Variants in RYR3 observed in about 807,000 individuals in gnomAD.
RYR3 encodes ryanodine receptor 3.
RYR3 carries 207 observed loss-of-function variants against 584.3 expected under a neutral mutation model. That is an observed-to-expected ratio of 0.35 (90% CI 0.32 to 0.40). The LOEUF (loss-of-function observed/expected upper bound fraction) is 0.40. Ranked by LOEUF, RYR3 falls within the 10% of genes least tolerant of loss-of-function variation. The probability of loss-of-function intolerance (pLI) is 1.00; values close to 1 mark genes in which losing one functional copy is unlikely to be tolerated. For missense variants in RYR3, 5,616 were observed against 6,089.2 expected, an observed-to-expected ratio of 0.92 and a Z score of 2.59; for synonymous variants, 2,416 against 2,248.5, an observed-to-expected ratio of 1.07 and a Z score of -2.11.
intron 1 of RYR3, among the ~76,000 whole-genome samples, chr15:33,469,527 AGG>A (rs1316058509): frequency 1.3e-5 from 2 of 151,804 alleles, no homozygotes; most frequent in African/African-American, 2.4e-5. Context: ...ATACAGGAAA[AGG>A]GGAGGACTCA....
intron 87 of RYR3, among the ~76,000 whole-genome samples, chr15:33,836,044 C>T (rs2078022082): frequency 1.3e-5 from 2 of 151,912 alleles, no homozygotes; most frequent in South Asian, 4.2e-4. Flanking sequence ...CTGTGATACA[C>T]ACCATAGGTG....
rs114677864 is a variant in RYR3 at position 33,756,507 on chromosome 15, G to A, written c.8583+134G>A. On this transcript the variant is annotated intron_variant, in intron 59 of 103. Transcript: ENST00000634891. Reference sequence around the variant, plus strand: ...TGAGGTACATGTATATTTCTCTGTCGTGTAACAGTCCCAAGGGAGGCTGGC... The same window carrying A: ...TGAGGTACATGTATATTTCTCTGTCATGTAACAGTCCCAAGGGAGGCTGGC... 3.1e-3 allele frequency: 2,240 copies of A among 715,112 alleles called. 39 individuals carry two copies. In the African/African-American group the frequency reaches 0.036, roughly 11 times the overall value. The allele number at this position is 715,112 out of a possible 1,614,324, so 44.3% of individuals were successfully genotyped here.
intron 16 of RYR3, among the ~76,000 whole-genome samples, chr15:33,587,301 G>A (rs2058904203): frequency 6.6e-6 from 1 of 152,124 alleles, no homozygotes; most frequent in Non-Finnish European, 1.5e-5. Flanking sequence ...TAATCAATAG[G>A]CACCTGAGCA....
In RYR3 at chr15:33,774,377, G is replaced by C. The variant is rs73381198; in HGVS notation, c.9137+762G>C. On this transcript the variant is annotated intron_variant, in intron 64 of 103. Coordinates refer to ENST00000634891, the MANE Select transcript of RYR3 (RefSeq NM_001036.6). ...AAGCAAACTGGAAAGAATTCGGTCT[G>C]TGCTTACAATTACTTAATCGAAAAT... Among the ~76,000 whole-genome samples, 1,333 of 152,288 alleles carry C rather than the reference G, an allele frequency of 8.8e-3. 20 individuals carry two copies. Among genetic ancestry groups the C allele is most frequent in the African/African-American group, 0.029 (1,194 of 41,558 alleles).
intron 1 of RYR3, among the ~76,000 whole-genome samples, chr15:33,415,574 C>T (rs2043744526): frequency 1.3e-5 from 2 of 151,836 alleles, no homozygotes; most frequent in Admixed American, 1.3e-4. Flanking sequence ...TATAGGAGAA[C>T]AGAGGAGAAA....
chr15:33,488,148 G>A (rs1363656328), intron 2 of RYR3, among the ~76,000 whole-genome samples: 6 of 152,206 alleles, frequency 3.9e-5, no homozygotes, highest in African/African-American at 1.4e-4. Context: ...TCTGCTTGAG[G>A]CAATACCAAA....
At chr15:33,711,749 T>C (rs1194424452) in intron 43 of RYR3, among the ~76,000 whole-genome samples, 1 of 152,226 alleles carries the variant, frequency 6.6e-6, no homozygotes, top group Non-Finnish European at 1.5e-5. Flanking sequence ...CAGCTTGGAC[T>C]TCACTGTCAG....
rs1421701855 is a variant in RYR3, at chr15:33,584,383, CCTT to C, written c.1574-11_1574-9del. Reference sequence around the variant, plus strand: ...CTTTAACCTCTATGATCAAACATCTCCTTGTTTGCAGCTGCTCTCATTCGCGGA... The same window carrying C: ...CTTTAACCTCTATGATCAAACATCTCGTTTGCAGCTGCTCTCATTCGCGGA... On this transcript the variant is annotated splice_polypyrimidine_tract_variant and intron_variant, in intron 14 of 103. Transcript: ENST00000634891. 6 of 1,512,338 alleles carry C rather than the reference CCTT, an allele frequency of 4.0e-6. No homozygotes were observed. The highest frequency in any genetic ancestry group is 1.4e-5 in the African/African-American group (1 of 72,896). The allele number at this position is 1,512,338 out of a possible 1,614,324, so 93.7% of individuals were successfully genotyped here. A position where few individuals can be genotyped will look rare whatever the true frequency, so the allele number is the denominator to read the frequency against.
Position 33,841,863 on chromosome 15 carries a change from G to A in RYR3, c.13038-1G>A. Reference sequence around the variant, plus strand: ...GCTGAGTGGGTTTCCCATTTCTGCAGCATGGAAGATGGAGAGAAGGAAGAC... The same window carrying A: ...GCTGAGTGGGTTTCCCATTTCTGCAACATGGAAGATGGAGAGAAGGAAGAC... On this transcript the variant is annotated splice_acceptor_variant, in intron 90 of 103. Transcript: ENST00000634891. LOFTEE classifies it high-confidence loss of function. 6.3e-7 allele frequency: 1 copy of A among 1,590,192 alleles called. No homozygotes were observed. Among genetic ancestry groups the A allele is most frequent in the Non-Finnish European group, 8.6e-7 (1 of 1,168,304 alleles).
At chr15:33,496,279 C>T (rs1345842998) in intron 2 of RYR3, among the ~76,000 whole-genome samples, 1 of 152,176 alleles carries the variant, frequency 6.6e-6, no homozygotes, top group African/African-American at 2.4e-5. Flanking sequence ...AGTTCATCTC[C>T]ACCTTCTACC....
At chr15:33,730,856 G>T (rs915219610) in intron 47 of RYR3, among the ~76,000 whole-genome samples, 7 of 152,168 alleles carry the variant, frequency 4.6e-5, no homozygotes, top group Admixed American at 3.3e-4. Flanking sequence ...TTTCCACGTT[G>T]CCCATGCAGA....
intron 93 of RYR3, among the ~76,000 whole-genome samples, chr15:33,846,091 C>G (rs989085010): frequency 3.3e-5 from 5 of 152,252 alleles, no homozygotes; most frequent in Admixed American, 6.5e-5. Flanking sequence ...CTCTGTCTCC[C>G]TCTTTCTCTC....
chr15:33,455,649 A>G (rs1251333744), intron 1 of RYR3, among the ~76,000 whole-genome samples: 3 of 152,214 alleles, frequency 2.0e-5, no homozygotes, highest in Admixed American at 6.5e-5. Flanking sequence ...AGTGAAAGCA[A>G]TTGGCTGCAG....
intron 8 of RYR3, among the ~76,000 whole-genome samples, chr15:33,547,670 A>C (rs1204756442): frequency 2.0e-5 from 3 of 152,242 alleles, no homozygotes; most frequent in African/African-American, 7.2e-5. Flanking sequence ...CTTTGTTCCA[A>C]CTGCCCTGGA....
At chr15:33,807,640 A>G (rs566000274) in intron 70 of RYR3, 71 bp downstream of exon 70, 1 of 1,420,210 alleles carries the variant, frequency 7.0e-7, no homozygotes, top group Non-Finnish European at 9.7e-7. Flanking sequence ...CCCCCTCTGC[A>G]CTGTGATCAC....
intron 60 of RYR3, among the ~76,000 whole-genome samples, chr15:33,766,998 C>T (rs1283963092): frequency 6.6e-6 from 1 of 152,232 alleles, no homozygotes; most frequent in East Asian, 1.9e-4. Context: ...TAAGAAAGCA[C>T]TTCTGACAAT....
At chr15:33,828,815 A>G (rs950375566) in intron 85 of RYR3, among the ~76,000 whole-genome samples, 9 of 152,262 alleles carry the variant, frequency 5.9e-5, no homozygotes, top group Admixed American at 3.9e-4. Flanking sequence ...CAGAAGATCT[A>G]TCTAGGATAA....
intron 32 of RYR3, among the ~76,000 whole-genome samples, chr15:33,656,485 ATT>A (rs58846347): frequency 6.6e-6 from 1 of 150,488 alleles, no homozygotes; most frequent in East Asian, 2.0e-4. Flanking sequence ...CCTTGTAGGC[ATT>A]TTTTTTTTAT....
chr15:33,749,890 C>T, intron 55 of RYR3, 89 bp from the exon 56 acceptor site: 4 of 1,121,020 alleles, frequency 3.6e-6, no homozygotes, highest in Non-Finnish European at 5.3e-6. Context: ...GTGTGCTTTT[C>T]CCGAGGCTGC....
Sources: allele counts gnomAD v4.1 joint callset (sites outside exome capture counted in the v4.1 genomes callset), GRCh38; gene constraint gnomAD v4.1.1; transcripts MANE v1.5; gene names NCBI Gene and HGNC (gene_info 2026-07-23, HGNC 2026-07-21).